Variants in AACS observed in about 807,000 individuals in gnomAD.
AACS encodes the protein acetoacetyl-CoA synthetase.
In AACS, 69 loss-of-function variants were observed where a neutral mutation model predicts 83.1. That is an observed-to-expected ratio of 0.83 (90% confidence interval 0.68 to 1.01). The LOEUF is 1.01. Among genes scored for constraint, AACS ranks in the 50% least tolerant of loss-of-function variants. The probability of loss-of-function intolerance (pLI) is 0.00; values close to 1 mark genes in which losing one functional copy is unlikely to be tolerated. For missense variants in AACS, 866 were observed against 882.2 expected, an observed-to-expected ratio of 0.98 and a Z score of 0.23; for synonymous variants, 333 against 343.4, an observed-to-expected ratio of 0.97 and a Z score of 0.33.
rs750733652 is a variant in AACS at position 125,124,889 on chromosome 12, C to T, written c.1187-13C>T. On this transcript the variant is annotated splice_polypyrimidine_tract_variant and intron_variant, in intron 11 of 17. Coordinates refer to ENST00000316519, the MANE Select transcript of AACS (RefSeq NM_023928.5). ...GGGTTTAGTTTTAATCTTTTGGTGA[C>T]TCTGCACCCCAGTGGAAACCCACAG... The T allele has an allele frequency of 1.2e-6, 2 of 1,614,192 alleles. No individual in the cohort carries two copies. The highest frequency in any genetic ancestry group is 1.7e-6 in the Non-Finnish European group (2 of 1,180,032).
rs1453926019 is a variant in AACS at position 125,142,215 on chromosome 12, C to T, written c.2005C>T (p.Leu669=). Residue 669 remains leucine (L), a synonymous_variant, in exon 18 of 18, where the codon CTG becomes TTG. Coordinates refer to ENST00000316519, the MANE Select transcript of AACS (RefSeq NM_023928.5). ...TLDLYRDIPE[L]QGF ...GGATCTGTACCGGGACATCCCTGAG[C>T]TGCAGGGCTTCTGAGTCAGACTGGC... is the stretch of plus-strand genomic sequence containing the variant. 10 of 1,614,116 alleles carry T rather than the reference C, an allele frequency of 6.2e-6. No individual in the cohort carries two copies. The South Asian group carries it at 6.6e-5, about 11-fold the overall frequency.
At chr12:125,068,360 A>C (rs1461907383) in intron 1 of AACS, among the ~76,000 whole-genome samples, 1 of 152,130 alleles carries the variant, frequency 6.6e-6, no homozygotes, top group Non-Finnish European at 1.5e-5. Context: ...TCTGGAGACT[A>C]AGGTGGGAGG....
chr12:125,093,838 A>G (rs896533286), intron 5 of AACS, among the ~76,000 whole-genome samples: 6 of 152,120 alleles, frequency 3.9e-5, no homozygotes, highest in Non-Finnish European at 8.8e-5. Context: ...CGTTACTCGC[A>G]CTCGAACTGA....
At chr12:125,103,198 G>A in intron 7 of AACS, 117 bp downstream of exon 7, 1 of 844,042 alleles carries the variant, frequency 1.2e-6, no homozygotes, top group East Asian at 2.5e-5. Context: ...AGTGGAGGAG[G>A]TTTTAGTTAA....
intron 4 of AACS, 81 bp downstream of exon 4, chr12:125,086,524 A>AAATAAG: frequency 7.8e-7 from 1 of 1,282,012 alleles, no homozygotes; most frequent in Non-Finnish European, 1.1e-6. Context: ...GACGGCTTTC[A>AAATAAG]AATAAGGGGG....
chr12:125,115,157 C>A (rs1957033035), intron 9 of AACS, among the ~76,000 whole-genome samples: 1 of 152,052 alleles, frequency 6.6e-6, no homozygotes, highest in African/African-American at 2.4e-5. Context: ...AAGGTTAGGA[C>A]ATGTTAAAGG....
At chr12:125,100,528 T>A (rs1338559428) in intron 5 of AACS, among the ~76,000 whole-genome samples, 1 of 152,258 alleles carries the variant, frequency 6.6e-6, no homozygotes, top group Admixed American at 6.5e-5. Flanking sequence ...GCACATGGAA[T>A]AAACAAATGC....
rs895456110 is a variant in AACS at position 125,097,164 on chromosome 12, T to C, written c.571-5515T>C. Among the ~76,000 whole-genome samples the C allele has an allele frequency of 1.3e-5, 2 of 152,150 alleles. No homozygotes were observed. The highest frequency in any genetic ancestry group is 4.8e-5 in the African/African-American group (2 of 41,440). ...CCTGCCTGCAGACTCGGCCTGTTGC[T>C]GCTGGACTCCTGGGGGGCACCATTT... On this transcript the variant is annotated intron_variant, in intron 5 of 17. Coordinates refer to ENST00000316519, the MANE Select transcript of AACS (RefSeq NM_023928.5). This position sits in a 1 kb window ranked among gnomAD's most constrained non-coding sequence, Gnocchi z 4.3.
At chr12:125,091,076 G>C (rs1592961312) in intron 4 of AACS, 1 of 330,866 alleles carries the variant, frequency 3.0e-6, no homozygotes, top group East Asian at 7.0e-5. Context: ...GCGTGGAGGA[G>C]TGTTCAGCAG....
chr12:125,109,827 T>C (rs1419281238), intron 8 of AACS, among the ~76,000 whole-genome samples: 1 of 152,214 alleles, frequency 6.6e-6, no homozygotes, highest in Non-Finnish European at 1.5e-5. Flanking sequence ...TTTGGCAGAA[T>C]GGCTCTGTTT....
At chr12:125,067,502 G>A (rs1955734362) in intron 1 of AACS, among the ~76,000 whole-genome samples, 1 of 152,054 alleles carries the variant, frequency 6.6e-6, no homozygotes, top group African/African-American at 2.4e-5. Context: ...TCCTCCGTGG[G>A]AAGTGTTGAA....
At chr12:125,093,878 G>C (rs529765871) in intron 5 of AACS, among the ~76,000 whole-genome samples, 1 of 152,340 alleles carries the variant, frequency 6.6e-6, no homozygotes, top group Admixed American at 6.5e-5. Context: ...GAGTCTGTCG[G>C]CATTTGGTGG....
At chr12:125,079,936 A>G (rs1956129767) in intron 3 of AACS, among the ~76,000 whole-genome samples, 2 of 152,128 alleles carry the variant, frequency 1.3e-5, no homozygotes, top group South Asian at 2.1e-4. Flanking sequence ...GACATTTTGT[A>G]TAATTGGATC....
In AACS at chr12:125,072,426, A is replaced by G. The variant is rs78756525; in HGVS notation, c.134-1450A>G. On this transcript the variant is annotated intron_variant, in intron 1 of 17. Transcript: ENST00000316519. The stretch of plus-strand genomic sequence containing the variant: ...GGGCTGGGAACAGTGAGGATGGGCA[A>G]GCTTGACTTCACTGATGGCAGTGAG... Among the ~76,000 whole-genome samples, 1,494 of 152,308 alleles carry G rather than the reference A, an allele frequency of 9.8e-3. 13 individuals carry two copies. The highest frequency in any genetic ancestry group is 0.048 in the Middle Eastern group (14 of 294).
chr12:125,089,072 C>T (rs1956402969), intron 4 of AACS, among the ~76,000 whole-genome samples: 1 of 152,186 alleles, frequency 6.6e-6, no homozygotes. Flanking sequence ...TTGTCAGCCA[C>T]ATGGAGTCAG....
At chr12:125,066,144 G>A (rs1955685220) in intron 1 of AACS, among the ~76,000 whole-genome samples, 1 of 152,118 alleles carries the variant, frequency 6.6e-6, no homozygotes, top group South Asian at 2.1e-4. Flanking sequence ...CCCCAGTGCC[G>A]TGCACTCTGT....
chr12:125,091,927 C>G (rs922392102), intron 5 of AACS, among the ~76,000 whole-genome samples: 1 of 152,238 alleles, frequency 6.6e-6, no homozygotes, highest in Non-Finnish European at 1.5e-5. Flanking sequence ...CAGGACCTCC[C>G]TGTGTTGGTT....
Position 125,118,297 on chromosome 12 carries a change from G to A in AACS, c.997-344G>A, listed in dbSNP as rs562123831. 1.5e-5 allele frequency: 4 copies of A among 269,610 alleles called. No individual in the cohort carries two copies. The South Asian group carries it at 1.6e-4, about 10-fold the overall frequency. The allele number at this position is 269,610 out of a possible 1,614,324, so 16.7% of individuals were successfully genotyped here. ...CTGGGGGTCAGGTGCTGTTCAGAAC[G>A]CCTCATGTGGGTTCAGTGACTGTGT... On this transcript the variant is annotated intron_variant, in intron 9 of 17. Transcript: ENST00000316519.
chr12:125,139,560 C>G (rs1433633540), intron 17 of AACS: 2 of 152,366 alleles, frequency 1.3e-5, no homozygotes, highest in Non-Finnish European at 2.9e-5. Flanking sequence ...CCCCGTGCCT[C>G]TGTTTCTGTG....
Sources: allele counts gnomAD v4.1 joint callset (sites outside exome capture counted in the v4.1 genomes callset), GRCh38; gene constraint gnomAD v4.1.1; non-coding constraint Gnocchi (gnomAD v3.1); transcripts MANE v1.5; gene names NCBI Gene and HGNC (gene_info 2026-07-23, HGNC 2026-07-21).